Variants in CDH18 observed in about 807,000 individuals in gnomAD.
CDH18 encodes the protein cadherin-18.
Under a neutral mutation model 67.9 loss-of-function variants are expected in CDH18, and 31 were observed. That is an observed-to-expected ratio of 0.46 (90% CI 0.34 to 0.62). The LOEUF is 0.62. Among genes scored for constraint, CDH18 ranks in the 20% least tolerant of loss-of-function variants. CDH18 has a pLI of 0.01. For missense variants in CDH18, 890 were observed against 975.5 expected, an observed-to-expected ratio of 0.91 and a Z score of 1.17; for synonymous variants, 362 against 347.2, an observed-to-expected ratio of 1.04 and a Z score of -0.48.
chr5:20,181,255 T>C (rs1463404739), intron 2 of CDH18, among the ~76,000 whole-genome samples: 1 of 152,176 alleles, frequency 6.6e-6, no homozygotes, highest in Non-Finnish European at 1.5e-5. Flanking sequence ...CTTTAATCAA[T>C]GTGACATCCA....
intron 3 of CDH18, among the ~76,000 whole-genome samples, chr5:19,769,947 A>G (rs551450572): frequency 6.6e-6 from 1 of 152,178 alleles, no homozygotes; most frequent in Non-Finnish European, 1.5e-5. Context: ...ACTTCTCAAA[A>G]GAAGATATGT....
intron 2 of CDH18, among the ~76,000 whole-genome samples, chr5:20,156,761 C>G (rs1297005037): frequency 6.6e-6 from 1 of 152,196 alleles, no homozygotes; most frequent in East Asian, 1.9e-4. Flanking sequence ...CAGACCTACT[C>G]TACCTTTCCA....
chr5:19,551,976 T>C (rs1359853414), intron 8 of CDH18, among the ~76,000 whole-genome samples: 1 of 152,168 alleles, frequency 6.6e-6, no homozygotes. Context: ...AGTGAATGAA[T>C]AAGCCAACCA....
At chr5:19,740,285 T>C (rs1385121103) in intron 4 of CDH18, among the ~76,000 whole-genome samples, 1 of 152,100 alleles carries the variant, frequency 6.6e-6, no homozygotes, top group Admixed American at 6.5e-5. Flanking sequence ...TACAGAAATA[T>C]TTATTTGAAA....
intron 2 of CDH18, among the ~76,000 whole-genome samples, chr5:19,927,783 C>T (rs1034174281): frequency 6.6e-6 from 1 of 151,852 alleles, no homozygotes; most frequent in South Asian, 2.1e-4. Flanking sequence ...TAGTTTATTC[C>T]CAGAATACCA....
intron 5 of CDH18, among the ~76,000 whole-genome samples, chr5:19,720,238 C>T (rs2150573653): frequency 6.6e-6 from 1 of 152,124 alleles, no homozygotes; most frequent in South Asian, 2.1e-4. Flanking sequence ...GGGTTATATG[C>T]TATATAATTA....
chr5:19,937,041 A>G (rs1794355125), intron 2 of CDH18, among the ~76,000 whole-genome samples: 1 of 151,326 alleles, frequency 6.6e-6, no homozygotes, highest in Admixed American at 6.6e-5. Context: ...TATAAATTAA[A>G]AGTTAGAGCA....
intron 11 of CDH18, among the ~76,000 whole-genome samples, chr5:19,490,392 C>CTTTTTT (rs1561183202): frequency 3.7e-4 from 15 of 40,300 alleles, no homozygotes; most frequent in Non-Finnish European, 5.6e-4. Flanking sequence ...ATATAAAAAT[C>CTTTTTT]TGTTTTTTTT....
chr5:20,038,074 C>A (rs1044085122), intron 2 of CDH18, among the ~76,000 whole-genome samples: 3 of 152,134 alleles, frequency 2.0e-5, no homozygotes, highest in African/African-American at 7.2e-5. Flanking sequence ...GTAAACACCT[C>A]TACACAAATA....
At chr5:19,852,784 AGT>A (rs1261489209) in intron 2 of CDH18, among the ~76,000 whole-genome samples, 1 of 152,080 alleles carries the variant, frequency 6.6e-6, no homozygotes, top group East Asian at 1.9e-4. Context: ...GATTTTTAAA[AGT>A]GAGAATTCGA....
intron 2 of CDH18, among the ~76,000 whole-genome samples, chr5:20,170,903 T>G (rs1268395899): frequency 6.6e-6 from 1 of 152,110 alleles, no homozygotes; most frequent in Non-Finnish European, 1.5e-5. Flanking sequence ...TTTCCATTTT[T>G]GTGTCCATAT....
At chr5:19,501,840 C>T (rs1743304113) in intron 11 of CDH18, among the ~76,000 whole-genome samples, 1 of 152,080 alleles carries the variant, frequency 6.6e-6, no homozygotes, top group African/African-American at 2.4e-5. Context: ...ACAAGTTTCA[C>T]ATAGTTAATC....
intron 3 of CDH18, among the ~76,000 whole-genome samples, chr5:19,836,233 G>A (rs1781612375): frequency 6.6e-6 from 1 of 152,078 alleles, no homozygotes; most frequent in African/African-American, 2.4e-5. Flanking sequence ...TTTCAAGGAT[G>A]GAAAGGATAC....
intron 1 of CDH18, among the ~76,000 whole-genome samples, chr5:20,512,884 C>CAA (rs71695578): frequency 1.6e-5 from 2 of 125,826 alleles, no homozygotes; most frequent in Non-Finnish European, 1.7e-5. Flanking sequence ...ACTCTGTCTC[C>CAA]AAAAAAAAAA....
intron 5 of CDH18, among the ~76,000 whole-genome samples, chr5:19,670,719 C>G (rs1388663552): frequency 6.6e-6 from 1 of 151,978 alleles, no homozygotes. Flanking sequence ...ATTCAGGAGA[C>G]CAAGCTGAAC....
At chr5:19,951,337 C>T (rs887772521) in intron 2 of CDH18, among the ~76,000 whole-genome samples, 1 of 152,130 alleles carries the variant, frequency 6.6e-6, no homozygotes, top group Non-Finnish European at 1.5e-5. Context: ...AATCATGTAA[C>T]TAGAACAAGC....
upstream of CDH18, among the ~76,000 whole-genome samples, chr5:19,991,511 GC>G (rs1799976984): frequency 6.6e-6 from 1 of 151,998 alleles, no homozygotes; most frequent in South Asian, 2.1e-4. Context: ...AAGAAAAAGA[GC>G]TAGTAAATTA....
intron 3 of CDH18, among the ~76,000 whole-genome samples, chr5:19,748,134 G>GAAAAAAA (rs1554022366): frequency 6.0e-5 from 4 of 67,136 alleles, no homozygotes; most frequent in Non-Finnish European, 7.7e-5. Context: ...AAAAAAAAAA[G>GAAAAAAA]AGTACTTTTT....
chr5:20,218,925 GAAC>G, intron 2 of CDH18, among the ~76,000 whole-genome samples: 1 of 151,568 alleles, frequency 6.6e-6, no homozygotes, highest in Admixed American at 6.6e-5. Flanking sequence ...CAAAAAAGTA[GAAC>G]AACTTCAAAT....
Sources: gnomAD v4.1 joint callset for allele counts (sites outside exome capture counted in the v4.1 genomes callset) on GRCh38, gnomAD v4.1.1 for gene constraint, MANE v1.5 for transcripts, NCBI Gene and HGNC (gene_info 2026-07-23, HGNC 2026-07-21) for gene names.